TOP3B: variants seen among roughly 807,000 people sequenced by gnomAD.
TOP3B encodes DNA topoisomerase III beta, also known as DNA topoisomerase 3-beta-1.
TOP3B carries 45 observed loss-of-function variants against 93.9 expected under a neutral mutation model. That is an observed-to-expected ratio of 0.48 (90% CI 0.38 to 0.61). The LOEUF is 0.61. Ranked by LOEUF, TOP3B falls within the 20% of genes least tolerant of loss-of-function variation. The pLI is 0.00. For synonymous variants in TOP3B, 357 were observed against 472.6 expected, an observed-to-expected ratio of 0.76 and a Z score of 3.17; for missense variants, 750 against 1,156.1, an observed-to-expected ratio of 0.65 and a Z score of 5.09.
chr22:21,962,399 C>T (rs770469387), intron 13 of TOP3B, 30 bp downstream of exon 13: 19 of 1,612,240 alleles, frequency 1.2e-5, no homozygotes, highest in African/African-American at 6.7e-5. Flanking sequence ...GAGACGGAGC[C>T]GGCTCTGGGG....
chr22:21,960,583 T>G, intron 13 of TOP3B, 134 bp from the exon 14 acceptor site: 1 of 1,230,888 alleles, frequency 8.1e-7, no homozygotes, highest in Non-Finnish European at 1.1e-6. Context: ...GGGAGGGCTG[T>G]GCCCTGAGCT....
chr22:21,968,589 C>A (rs1199909889), intron 7 of TOP3B, 30 bp downstream of exon 7: 1 of 1,611,700 alleles, frequency 6.2e-7, no homozygotes. Flanking sequence ...ACCCAGAAAG[C>A]CCCAGCATGA....
In TOP3B at chr22:21,962,816, G is replaced by A. The variant is rs1463591011; in HGVS notation, c.1282C>T (p.Gln428Ter). Residue 428 changes from glutamine to a stop codon, truncating the protein, a stop_gained, in exon 12 of 18, where the codon CAG (glutamine) becomes TAG (stop). Transcript: ENST00000357179. LOFTEE classifies it high-confidence loss of function. ...ATVSHDCKYL[Q>*]STISFRIGPE... ...CCAATTCTGAAGGAGATGGTGCTCT[G>A]CAGGTACTTGCAGTCATGGCTGACC... is the stretch of plus-strand genomic sequence containing the variant. 1.9e-6 allele frequency: 3 copies of A among 1,613,998 alleles called. No individual in the cohort carries two copies. Among genetic ancestry groups the A allele is most frequent in the Non-Finnish European group, 2.5e-6 (3 of 1,180,028 alleles).
At position 21,959,252 on chromosome 22, in the gene TOP3B, A is replaced by C. The variant is rs771952246; in HGVS notation, c.1805-20T>G. Reference sequence around the variant, plus strand: ...CCATGCCTGCGGGCAAGCAGAGTGCAGGAGTCATCTCCCTCCCAGTCCCCA... The same window carrying C: ...CCATGCCTGCGGGCAAGCAGAGTGCCGGAGTCATCTCCCTCCCAGTCCCCA... On this transcript the variant is annotated intron_variant, in intron 15 of 17. Coordinates refer to ENST00000357179, the MANE Select transcript of TOP3B (RefSeq NM_001282112.2). 4 of 1,610,574 alleles carry C rather than the reference A, an allele frequency of 2.5e-6. No homozygotes were observed. In the South Asian group the frequency reaches 3.3e-5, roughly 13 times the overall value.
At chr22:21,973,266 C>CT (rs543434346) in intron 3 of TOP3B, 1 of 160,736 alleles carries the variant, frequency 6.2e-6, no homozygotes, top group Non-Finnish European at 1.4e-5. Flanking sequence ...GTCTGGCTTT[C>CT]TTTTAGGCCC....
intron 14 of TOP3B, chr22:21,960,105 A>T: frequency 1.4e-6 from 1 of 733,774 alleles, no homozygotes. Context: ...TGGTTCCCTC[A>T]CACATCTGTT....
intron 1 of TOP3B, 37 bp from the exon 2 acceptor site, chr22:21,975,844 G>T: frequency 7.9e-7 from 1 of 1,270,822 alleles, no homozygotes; most frequent in Non-Finnish European, 1.0e-6. Context: ...TAGCAATGCT[G>T]TCAATAGAAC....
chr22:21,958,974 G>T, intron 16 of TOP3B, 158 bp downstream of exon 16: 1 of 1,166,758 alleles, frequency 8.6e-7, no homozygotes, highest in Non-Finnish European at 1.2e-6. Flanking sequence ...TATTCTAGGG[G>T]ACGTGGGGAC....
chr22:21,976,694 G>C (rs1453346941), intron 1 of TOP3B: 1 of 152,162 alleles, frequency 6.6e-6, no homozygotes, highest in African/African-American at 2.4e-5. Flanking sequence ...TGGGCTTTGT[G>C]TCTGAATCAC....
chr22:21,975,531 G>C, intron 2 of TOP3B, 109 bp downstream of exon 2: 1 of 1,282,788 alleles, frequency 7.8e-7, no homozygotes, highest in South Asian at 1.7e-5. Flanking sequence ...ACCACCTGCC[G>C]ACCCGAACCA....
chr22:21,979,060 A>G (rs2084557986), intron 1 of TOP3B, among the ~76,000 whole-genome samples: 1 of 152,116 alleles, frequency 6.6e-6, no homozygotes, highest in African/African-American at 2.4e-5. Context: ...ACGGCTGTCC[A>G]CTGAGGGAGG....
intron 13 of TOP3B, chr22:21,962,026 A>G: frequency 1.1e-6 from 1 of 902,794 alleles, no homozygotes; most frequent in Non-Finnish European, 1.4e-6. Context: ...CTCCCAGGGA[A>G]GCAGCTCCTG....
intron 14 of TOP3B, chr22:21,960,060 AG>A (rs1424343879): frequency 1.4e-5 from 9 of 629,580 alleles, no homozygotes; most frequent in Admixed American, 9.0e-5. Flanking sequence ...GGGAACCTCC[AG>A]GGAACAGGGC....
At chr22:21,976,577 G>A (rs1215952779) in intron 1 of TOP3B, 1 of 152,216 alleles carries the variant, frequency 6.6e-6, no homozygotes, top group East Asian at 1.9e-4. Context: ...CCACTGGCAG[G>A]GTAAGTCAGC....
rs2071594925 is a variant in TOP3B, at chr22:21,970,512, G to A, written c.385-106C>T. 25 of 1,233,032 alleles carry A rather than the reference G, an allele frequency of 2.0e-5. No homozygotes were observed. The highest frequency in any genetic ancestry group is 4.1e-5 in the Admixed American group (2 of 48,326). The allele number at this position is 1,233,032 out of a possible 1,614,324, so 76.4% of individuals were successfully genotyped here. ...CTTCCAGGAAAGAACACGTGTGCTC[G>A]GCTCCCTCTCCTGCCCCTGCCAGAC... On this transcript the variant is annotated intron_variant, in intron 5 of 17. Coordinates refer to ENST00000357179, the MANE Select transcript of TOP3B (RefSeq NM_001282112.2). The surrounding 1 kb of genome is among the most constrained non-coding windows in gnomAD (Gnocchi z 4.4).
intron 7 of TOP3B, chr22:21,968,044 G>T (rs1424185121): frequency 3.0e-6 from 1 of 333,938 alleles, no homozygotes; most frequent in East Asian, 7.1e-5. Context: ...TATGGCCACC[G>T]CCAGGGTCCC....
Position 21,963,707 on chromosome 22 carries a change from C to T in TOP3B, c.1204+216G>A. ...TTCATGTCCCCTGTGGCGTCTGCCC[C>T]CTTGCCTCCCTGCAACAGCACCTGC... On this transcript the variant is annotated intron_variant, in intron 11 of 17. Coordinates refer to ENST00000357179, the MANE Select transcript of TOP3B (RefSeq NM_001282112.2). The surrounding 1 kb of genome is among the most constrained non-coding windows in gnomAD (Gnocchi z 4.8). 8.6e-6 allele frequency: 5 copies of T among 578,884 alleles called. No homozygotes were observed. Among genetic ancestry groups the T allele is most frequent in the Non-Finnish European group, 1.5e-5 (5 of 327,170 alleles). The allele number at this position is 578,884 out of a possible 1,614,324, so 35.9% of individuals were successfully genotyped here. A position where few individuals can be genotyped will look rare whatever the true frequency, so the allele number is the denominator to read the frequency against.
In TOP3B at chr22:21,958,576, G is replaced by C. The variant is rs762052661; in HGVS notation, c.2023C>G (p.Leu675Val). 1.2e-6 allele frequency: 2 copies of C among 1,614,150 alleles called. No individual in the cohort carries two copies. The highest frequency in any genetic ancestry group is 3.3e-5 in the Admixed American group (2 of 60,020). ...RCPLDDFELVLWSSGSRGKSY... is the reference protein window; with the variant it reads ...RCPLDDFELVVWSSGSRGKSY... ...TTGCCCCGAGAGCCTGATGACCACA[G>C]GACCAGCTCGAAGTCATCCAGAGGG... The change falls in exon 17 of 18, where the codon CTG becomes GTG. Residue 675 changes from leucine to valine, a missense_variant. By Grantham distance (32) the Leu-to-Val change is conservative (BLOSUM62 1). This residue lies in a region of TOP3B where 737 missense variants were observed against 933.7 expected (regional missense o/e 0.79). Transcript: ENST00000357179.
chr22:21,959,146 T>TGAAGC lies in TOP3B; in HGVS notation c.1886_1890dup (p.Met631AlafsTer3). On this transcript the variant is annotated frameshift_variant, in exon 16 of 18. Transcript: ENST00000357179. LOFTEE classifies it high-confidence loss of function. ...CCTGCACCTACCTGGATGTACTTCATGAAGCGGTGGCACTTCCCACAGCGT... is the reference window on the plus strand; with the variant it reads ...CCTGCACCTACCTGGATGTACTTCATGAAGCGAAGCGGTGGCACTTCCCACAGCGT... 2 of 1,613,878 alleles carry TGAAGC rather than the reference T, an allele frequency of 1.2e-6. No homozygotes were observed. Among genetic ancestry groups the TGAAGC allele is most frequent in the Non-Finnish European group, 1.7e-6 (2 of 1,179,990 alleles).
Sources: allele counts gnomAD v4.1 joint callset (sites outside exome capture counted in the v4.1 genomes callset), GRCh38; gene constraint gnomAD v4.1.1; regional missense constraint gnomAD v4.1.1; non-coding constraint Gnocchi (gnomAD v3.1); transcripts MANE v1.5; gene names NCBI Gene and HGNC (gene_info 2026-07-23, HGNC 2026-07-21).